Variants in AKAP13 observed in about 807,000 individuals in gnomAD.
The protein encoded by AKAP13 is A-kinase anchor protein 13.
AKAP13 carries 80 observed loss-of-function variants against 264.5 expected under a neutral mutation model. That is an observed-to-expected ratio of 0.30 (90% CI 0.25 to 0.36). The LOEUF is 0.36. Among genes scored for constraint, AKAP13 ranks in the 10% least tolerant of loss-of-function variants. The pLI is 1.00. For missense variants in AKAP13, 3,712 were observed against 3,435.2 expected, an observed-to-expected ratio of 1.08 and a Z score of -2.01; for synonymous variants, 1,380 against 1,250.2, an observed-to-expected ratio of 1.10 and a Z score of -2.19.
chr15:85,417,905 G>A (rs1416186084), intron 1 of AKAP13, among the ~76,000 whole-genome samples: 2 of 151,798 alleles, frequency 1.3e-5, no homozygotes, highest in African/African-American at 4.8e-5. Flanking sequence ...TCAGCCACTA[G>A]GTAATTTAAA....
At chr15:85,600,318 TA>T (rs5814205) in intron 8 of AKAP13, among the ~76,000 whole-genome samples, 31,048 of 134,176 alleles carry the variant, frequency 0.23, 4,145 homozygotes, top group African/African-American at 0.4. Flanking sequence ...AGCTTAGATT[TA>T]AAAAAAAAAA....
intron 5 of AKAP13, among the ~76,000 whole-genome samples, chr15:85,562,729 C>G (rs1344501831): frequency 2.9e-5 from 3 of 104,064 alleles, no homozygotes; most frequent in Non-Finnish European, 5.5e-5. Flanking sequence ...GAATTTCCCT[C>G]TTGTTGCCCA....
At chr15:85,652,213 G>T (rs2082889903) in intron 10 of AKAP13, among the ~76,000 whole-genome samples, 1 of 152,106 alleles carries the variant, frequency 6.6e-6, no homozygotes, top group Non-Finnish European at 1.5e-5. Context: ...GGCCACCAAA[G>T]ATTTTCCCAC....
chr15:85,584,472 A>G (rs1357095752), intron 7 of AKAP13, among the ~76,000 whole-genome samples: 1 of 152,176 alleles, frequency 6.6e-6, no homozygotes, highest in African/African-American at 2.4e-5. Flanking sequence ...AATTACTCTG[A>G]CTCACTTAGA....
intron 1 of AKAP13, among the ~76,000 whole-genome samples, chr15:85,423,823 A>T (rs1015369750): frequency 1.3e-5 from 2 of 152,244 alleles, no homozygotes; most frequent in African/African-American, 4.8e-5. Flanking sequence ...TTGAAAGTCA[A>T]ACTTACTTCT....
intron 17 of AKAP13, 115 bp downstream of exon 17, chr15:85,693,566 C>G (rs1414150498): frequency 6.7e-7 from 1 of 1,483,620 alleles, no homozygotes; most frequent in South Asian, 1.4e-5. Flanking sequence ...GAGAAGTAAC[C>G]CTTTTTATAT....
chr15:85,635,705 A>G (rs1179940198), intron 8 of AKAP13, among the ~76,000 whole-genome samples: 1 of 152,158 alleles, frequency 6.6e-6, no homozygotes, highest in Admixed American at 6.5e-5. Context: ...ATTTAGATAT[A>G]TAAAGTATTC....
intron 10 of AKAP13, among the ~76,000 whole-genome samples, chr15:85,651,938 A>G (rs1405259593): frequency 6.6e-6 from 1 of 152,230 alleles, no homozygotes; most frequent in Non-Finnish European, 1.5e-5. Context: ...AAGCGGTTGT[A>G]CCATTTTACA....
intron 8 of AKAP13, among the ~76,000 whole-genome samples, chr15:85,638,055 AT>A (rs201112050): frequency 7.5e-5 from 11 of 147,388 alleles, no homozygotes; most frequent in East Asian, 4.0e-4. Context: ...ATTTTTTTGT[AT>A]TTTTTTTTTA....
chr15:85,701,920 T>C (rs1416948132), intron 17 of AKAP13, among the ~76,000 whole-genome samples: 1 of 152,098 alleles, frequency 6.6e-6, no homozygotes, highest in Non-Finnish European at 1.5e-5. Flanking sequence ...TTAAGGTTTA[T>C]GTAAGACAGT....
intron 8 of AKAP13, among the ~76,000 whole-genome samples, chr15:85,611,442 C>T (rs752206169): frequency 2.1e-4 from 32 of 152,206 alleles, no homozygotes; most frequent in Admixed American, 3.3e-4. Flanking sequence ...TCCATCGTCA[C>T]ACTTCTTTTA....
At chr15:85,636,905 G>A (rs1354642768) in intron 8 of AKAP13, among the ~76,000 whole-genome samples, 1 of 152,194 alleles carries the variant, frequency 6.6e-6, no homozygotes, top group Non-Finnish European at 1.5e-5. Flanking sequence ...ATGAGCCGCC[G>A]CTCCCGGCCC....
Position 85,420,457 on chromosome 15 carries a change from A to G in AKAP13, c.-12+39659A>G, listed in dbSNP as rs569852874. ...TATCTTTCCTGCTTGAAAAGAATGG[A>G]TGCAGGGTATGGTATGATTCTGATT... On this transcript the variant is annotated intron_variant, in intron 1 of 36. Transcript: ENST00000394518. 3.9e-5 allele frequency among the ~76,000 whole-genome samples: 6 copies of G among 152,200 alleles called. No individual in the cohort carries two copies. The South Asian group carries it at 1.2e-3, about 32-fold the overall frequency.
At chr15:85,578,866 A>G in intron 6 of AKAP13, 64 bp from the exon 7 acceptor site, 2 of 1,517,946 alleles carry the variant, frequency 1.3e-6, no homozygotes, top group East Asian at 2.3e-5. Context: ...ATTTTTGCTC[A>G]GAGGTGTCAG....
chr15:85,619,451 A>ACT, intron 8 of AKAP13: 1 of 985,374 alleles, frequency 1.0e-6, no homozygotes, highest in Non-Finnish European at 1.2e-6. Context: ...ACCAAGCCCT[A>ACT]CTGCCTGGTG....
At chr15:85,395,279 C>T (rs951510445) in intron 1 of AKAP13, among the ~76,000 whole-genome samples, 5 of 152,150 alleles carry the variant, frequency 3.3e-5, no homozygotes, top group Admixed American at 6.5e-5. Context: ...TGGCCCTGAA[C>T]TTTTGCCTCT....
chr15:85,522,907 A>AC (rs1224128717), intron 3 of AKAP13, among the ~76,000 whole-genome samples: 77 of 106,852 alleles, frequency 7.2e-4, no homozygotes, highest in African/African-American at 1.4e-3. Context: ...GATACCAGCC[A>AC]CCCCCCCCAC....
chr15:85,729,708 G>A (rs1375247765), intron 29 of AKAP13, among the ~76,000 whole-genome samples: 3 of 151,972 alleles, frequency 2.0e-5, no homozygotes, highest in Non-Finnish European at 4.4e-5. Context: ...AGGCCAAGGC[G>A]GGCAGATCAC....
At chr15:85,419,756 G>T (rs1162998418) in intron 1 of AKAP13, among the ~76,000 whole-genome samples, 1 of 152,052 alleles carries the variant, frequency 6.6e-6, no homozygotes, top group Non-Finnish European at 1.5e-5. Context: ...ACATATGTAT[G>T]TAATCTATTC....
Sources: gnomAD v4.1 joint callset for allele counts (sites outside exome capture counted in the v4.1 genomes callset) on GRCh38, gnomAD v4.1.1 for gene constraint, MANE v1.5 for transcripts, NCBI Gene and HGNC (gene_info 2026-07-23, HGNC 2026-07-21) for gene names.